Variants in MRLN observed in about 807,000 individuals in gnomAD.
MRLN encodes myoregulin, also known as Linc-RNA activator of myogenesis.
chr10:59,744,760 A>T (rs1213061131), intron 1 of MRLN: 1 of 162,150 alleles, frequency 6.2e-6, no homozygotes, highest in Non-Finnish European at 1.3e-5. Flanking sequence ...TGTGTTCTGT[A>T]CTAAGAAAAA....
At chr10:59,740,286 T>TA (rs1260770659) in intron 1 of MRLN, among the ~76,000 whole-genome samples, 1 of 18,754 alleles carries the variant, frequency 5.3e-5, no homozygotes, top group African/African-American at 9.6e-5. Context: ...TTGATAATGA[T>TA]AAAAAATGAC....
At chr10:59,751,427 C>A (rs190414314) in intron 1 of MRLN, among the ~76,000 whole-genome samples, 1 of 151,822 alleles carries the variant, frequency 6.6e-6, no homozygotes, top group African/African-American at 2.4e-5. Context: ...TTTGGGAGAC[C>A]AAGGCGGTGG....
At chr10:59,740,454 A>C (rs1840970197) in intron 1 of MRLN, among the ~76,000 whole-genome samples, 1 of 152,200 alleles carries the variant, frequency 6.6e-6, no homozygotes, top group Non-Finnish European at 1.5e-5. Flanking sequence ...AGCTCCATGC[A>C]TGCTATTGTC....
chr10:59,752,578 C>T (rs1003139425), intron 1 of MRLN, among the ~76,000 whole-genome samples: 1 of 152,302 alleles, frequency 6.6e-6, no homozygotes, highest in South Asian at 2.1e-4. Context: ...TATTTAGAAG[C>T]CTGGTGCACA....
At chr10:59,743,588 C>T (rs1841006834) in intron 1 of MRLN, among the ~76,000 whole-genome samples, 1 of 152,164 alleles carries the variant, frequency 6.6e-6, no homozygotes. Flanking sequence ...TTTCCTAACA[C>T]ACCCAGGTTT....
At chr10:59,750,112 G>A (rs1463307000) in intron 1 of MRLN, among the ~76,000 whole-genome samples, 14 of 114,150 alleles carry the variant, frequency 1.2e-4, no homozygotes, top group African/African-American at 3.5e-5. Flanking sequence ...CGCTCTTGTT[G>A]CCTAGGCTGG....
intron 1 of MRLN, among the ~76,000 whole-genome samples, chr10:59,743,597 T>G (rs925123580): frequency 7.2e-5 from 11 of 152,056 alleles, no homozygotes; most frequent in African/African-American, 2.7e-4. Flanking sequence ...ACACCCAGGT[T>G]TTACTGTGGA....
Position 59,737,039 on chromosome 10 carries a change from C to T in MRLN, c.*21G>A, listed in dbSNP as rs1299229290. Reference sequence around the variant, plus strand: ...TCACTGTAATTCAGTTTGAAATGTACATGGAAAGGAAGTCAGCTTTCTAAG... The same window carrying T: ...TCACTGTAATTCAGTTTGAAATGTATATGGAAAGGAAGTCAGCTTTCTAAG... On this transcript the variant is annotated 3_prime_UTR_variant, in exon 3 of 3. Transcript: ENST00000414264. 5.1e-6 allele frequency: 2 copies of T among 393,626 alleles called. No homozygotes were observed. The highest frequency in any genetic ancestry group is 2.1e-5 in the African/African-American group (1 of 48,468). The allele number at this position is 393,626 out of a possible 1,614,324, so 24.4% of individuals were successfully genotyped here. A position where few individuals can be genotyped will look rare whatever the true frequency, so the allele number is the denominator to read the frequency against.
intron 1 of MRLN, chr10:59,739,814 C>G (rs12359176): frequency 1.8e-4 from 28 of 152,394 alleles, no homozygotes; most frequent in African/African-American, 6.0e-4. Context: ...ACAGAGTTGG[C>G]CGGGCACAGT....
intron 1 of MRLN, among the ~76,000 whole-genome samples, chr10:59,742,816 A>C (rs1303858218): frequency 6.6e-6 from 1 of 151,044 alleles, no homozygotes; most frequent in Non-Finnish European, 1.5e-5. Flanking sequence ...GCAGCCTTGA[A>C]CTCCTGGACT....
At chr10:59,744,615 A>C (rs1386334285) in intron 1 of MRLN, among the ~76,000 whole-genome samples, 1 of 152,206 alleles carries the variant, frequency 6.6e-6, no homozygotes, top group Non-Finnish European at 1.5e-5. Flanking sequence ...AGGTGTACCC[A>C]ACAGCTCATT....
rs180825447 is a variant in MRLN at position 59,741,264 on chromosome 10, C to T, written c.-124-2702G>A. Among the ~76,000 whole-genome samples, 627 of 152,340 alleles carry T rather than the reference C, an allele frequency of 4.1e-3. 7 individuals carry two copies. The highest frequency in any genetic ancestry group is 0.014 in the African/African-American group (571 of 41,584). On this transcript the variant is annotated intron_variant, in intron 1 of 2. Transcript: ENST00000414264. ...TCACTCAGTGACTCACCCAGTGCAA[C>T]TTCCAGTCCTGCAAGCTCCATTCAT...
chr10:59,740,257 G>T (rs184175528), intron 1 of MRLN, among the ~76,000 whole-genome samples: 21 of 151,186 alleles, frequency 1.4e-4, no homozygotes, highest in African/African-American at 5.1e-4. Flanking sequence ...CATGTACAAT[G>T]ATGTATGGTA....
At chr10:59,752,082 T>G (rs748565175) in intron 1 of MRLN, among the ~76,000 whole-genome samples, 1 of 152,244 alleles carries the variant, frequency 6.6e-6, no homozygotes, top group Non-Finnish European at 1.5e-5. Context: ...TCATCGCTGA[T>G]CTTAGCTGTA....
rs140610318 is a variant in MRLN at position 59,743,814 on chromosome 10, G to A, written c.-124-5252C>T. On this transcript the variant is annotated intron_variant, in intron 1 of 2. Coordinates refer to ENST00000414264, the MANE Select transcript of MRLN (RefSeq NM_001304731.2). ...CGAGTGCCTGGGATTGCAGGTGCGC[G>A]CCGCCACGCCTGACTGGTTTTCGTA... 8.8e-3 allele frequency among the ~76,000 whole-genome samples: 1,336 copies of A among 152,238 alleles called. 20 individuals are homozygous for A. The highest frequency in any genetic ancestry group is 0.031 in the African/African-American group (1,267 of 41,540).
At chr10:59,747,141 A>G (rs566960944) in intron 1 of MRLN, among the ~76,000 whole-genome samples, 1 of 152,270 alleles carries the variant, frequency 6.6e-6, no homozygotes, top group East Asian at 1.9e-4. Context: ...ATCTTTTACT[A>G]CCTATTTTAT....
At chr10:59,740,264 G>C (rs1421115379) in intron 1 of MRLN, among the ~76,000 whole-genome samples, 4 of 146,614 alleles carry the variant, frequency 2.7e-5, no homozygotes, top group Non-Finnish European at 6.0e-5. Flanking sequence ...AATGATGTAT[G>C]GTACATAATA....
At chr10:59,742,493 C>CA (rs1269385841) in intron 1 of MRLN, among the ~76,000 whole-genome samples, 1 of 150,948 alleles carries the variant, frequency 6.6e-6, no homozygotes, top group Non-Finnish European at 1.5e-5. Context: ...TTTGCTACCA[C>CA]AAAATCAGAG....
chr10:59,750,062 CTTTTTTTTTTT>C (rs71006289), intron 1 of MRLN, among the ~76,000 whole-genome samples: 4 of 58,822 alleles, frequency 6.8e-5, no homozygotes, highest in African/African-American at 2.1e-4. Flanking sequence ...CTCTCTCTCT[CTTTTTTTTTTT>C]TTTTTTTTTT....
Sources: allele counts gnomAD v4.1 joint callset (sites outside exome capture counted in the v4.1 genomes callset), GRCh38; gene constraint gnomAD v4.1.1; transcripts MANE v1.5; gene names NCBI Gene and HGNC (gene_info 2026-07-23, HGNC 2026-07-21).